NKAIN2: variants seen among roughly 807,000 people sequenced by gnomAD.
The protein encoded by NKAIN2 is sodium/potassium transporting ATPase interacting 2.
Under a neutral mutation model 32.6 loss-of-function variants are expected in NKAIN2, and 14 were observed. The observed-to-expected ratio is 0.43, with a 90% CI of 0.28 to 0.67. The LOEUF is 0.67. Ranked by LOEUF, NKAIN2 falls within the 30% of genes least tolerant of loss-of-function variation. NKAIN2 has a pLI of 0.17. For missense variants in NKAIN2, 198 were observed against 258.3 expected, an observed-to-expected ratio of 0.77 and a Z score of 1.60; for synonymous variants, 80 against 87.2, an observed-to-expected ratio of 0.92 and a Z score of 0.46.
At chr6:124,369,043 A>C (rs181973288) in intron 3 of NKAIN2, among the ~76,000 whole-genome samples, 85 of 152,310 alleles carry the variant, frequency 5.6e-4, no homozygotes, top group African/African-American at 2.0e-3. Flanking sequence ...TTACTAACTC[A>C]GAAGAGAAAG....
At chr6:123,893,914 G>A (rs993607240) in intron 1 of NKAIN2, among the ~76,000 whole-genome samples, 1 of 152,124 alleles carries the variant, frequency 6.6e-6, no homozygotes, top group East Asian at 1.9e-4. Context: ...TCTATAGGAG[G>A]TTCCTTAGTC....
chr6:124,682,588 G>C (rs578097204), intron 4 of NKAIN2, among the ~76,000 whole-genome samples: 1 of 152,188 alleles, frequency 6.6e-6, no homozygotes, highest in South Asian at 2.1e-4. Flanking sequence ...AAGTAAAATA[G>C]TATCTAACAT....
chr6:124,801,360 A>G (rs1438874187), intron 5 of NKAIN2, among the ~76,000 whole-genome samples: 2 of 152,246 alleles, frequency 1.3e-5, no homozygotes, highest in Non-Finnish European at 2.9e-5. Context: ...TCATAAAGTT[A>G]TGAACAATAT....
At chr6:123,870,381 G>C (rs1489775375) in intron 1 of NKAIN2, among the ~76,000 whole-genome samples, 2 of 152,046 alleles carry the variant, frequency 1.3e-5, no homozygotes, top group Non-Finnish European at 2.9e-5. Flanking sequence ...GGGAGGATTT[G>C]TTCAAAGACC....
rs1799447737 is a variant in NKAIN2, at chr6:124,364,772, A to G, written c.273+9425A>G. On this transcript the variant is annotated intron_variant, in intron 3 of 6. Coordinates refer to ENST00000368417, the MANE Select transcript of NKAIN2 (RefSeq NM_001040214.3). ...CAGAGTGAGAAAAAAAACACCCCAG[A>G]GAGAAAAAGGGAATTTTAGGAAGGA... is the stretch of plus-strand genomic sequence containing the variant. Among the ~76,000 whole-genome samples the G allele has an allele frequency of 6.6e-5, 10 of 152,156 alleles. No individual in the cohort carries two copies. The South Asian group carries it at 2.1e-3, about 31-fold the overall frequency.
chr6:124,012,835 C>G (rs1023289633), intron 1 of NKAIN2, among the ~76,000 whole-genome samples: 2 of 152,044 alleles, frequency 1.3e-5, no homozygotes, highest in Non-Finnish European at 2.9e-5. Flanking sequence ...TTTCCTTTCT[C>G]TAAATTAAAG....
At chr6:124,031,664 T>C (rs534075348) in intron 1 of NKAIN2, among the ~76,000 whole-genome samples, 4 of 152,190 alleles carry the variant, frequency 2.6e-5, no homozygotes, top group Non-Finnish European at 4.4e-5. Context: ...CATTTTGTTA[T>C]GTACCCAGTA....
intron 1 of NKAIN2, among the ~76,000 whole-genome samples, chr6:123,811,899 G>A (rs901609184): frequency 6.6e-5 from 10 of 151,388 alleles, no homozygotes; most frequent in African/African-American, 2.4e-4. Flanking sequence ...CTATGCGCCT[G>A]ATATACGTAC....
chr6:123,928,613 A>G (rs1301819990), intron 1 of NKAIN2, among the ~76,000 whole-genome samples: 1 of 152,192 alleles, frequency 6.6e-6, no homozygotes, highest in Non-Finnish European at 1.5e-5. Context: ...TATAGTAGGT[A>G]TGCAATACAT....
intron 3 of NKAIN2, among the ~76,000 whole-genome samples, chr6:124,641,498 A>G (rs1172324929): frequency 6.8e-6 from 1 of 146,616 alleles, no homozygotes; most frequent in Non-Finnish European, 1.5e-5. Flanking sequence ...CCACATAATC[A>G]GAAGAAATAC....
chr6:124,228,031 G>A (rs756646528), intron 1 of NKAIN2, among the ~76,000 whole-genome samples: 6 of 152,038 alleles, frequency 3.9e-5, no homozygotes, highest in East Asian at 3.9e-4. Flanking sequence ...ATATTCTCAC[G>A]TGGCAAAGCA....
chr6:123,812,051 C>T (rs958754700), intron 1 of NKAIN2, among the ~76,000 whole-genome samples: 1 of 152,032 alleles, frequency 6.6e-6, no homozygotes, highest in Non-Finnish European at 1.5e-5. Flanking sequence ...CCCCCCACCG[C>T]CCCCACCCTC....
chr6:124,417,600 G>T (rs1253411542), intron 3 of NKAIN2, among the ~76,000 whole-genome samples: 1 of 151,962 alleles, frequency 6.6e-6, no homozygotes, highest in Non-Finnish European at 1.5e-5. Context: ...TAGACCAAAC[G>T]TCCTAATACC....
At chr6:124,341,889 A>C (rs1011613651) in intron 2 of NKAIN2, among the ~76,000 whole-genome samples, 1 of 152,232 alleles carries the variant, frequency 6.6e-6, no homozygotes, top group Non-Finnish European at 1.5e-5. Context: ...ATTGGTCCTA[A>C]AGGAAATAAG....
At chr6:123,842,526 T>G (rs1430747273) in intron 1 of NKAIN2, among the ~76,000 whole-genome samples, 1 of 152,130 alleles carries the variant, frequency 6.6e-6, no homozygotes, top group Non-Finnish European at 1.5e-5. Context: ...CTTCAACATA[T>G]GAATCTTGAG....
intron 1 of NKAIN2, among the ~76,000 whole-genome samples, chr6:124,222,928 AGAGTGAGT>A (rs1322919340): frequency 6.6e-6 from 1 of 152,158 alleles, no homozygotes; most frequent in African/African-American, 2.4e-5. Flanking sequence ...AGAACTGGAG[AGAGTGAGT>A]GAGACAATTT....
chr6:124,101,183 A>G (rs1475042947), intron 1 of NKAIN2, among the ~76,000 whole-genome samples: 2 of 152,208 alleles, frequency 1.3e-5, no homozygotes, highest in Non-Finnish European at 2.9e-5. Flanking sequence ...TTGGCATTTT[A>G]GGCCCTCTAA....
intron 1 of NKAIN2, among the ~76,000 whole-genome samples, chr6:124,156,286 G>T (rs188652710): frequency 6.6e-6 from 1 of 152,090 alleles, no homozygotes; most frequent in Non-Finnish European, 1.5e-5. Flanking sequence ...GAGTAGAGGA[G>T]GTGGGCTTTA....
chr6:124,042,265 G>T (rs913072102), intron 1 of NKAIN2, among the ~76,000 whole-genome samples: 1 of 152,010 alleles, frequency 6.6e-6, no homozygotes, highest in Admixed American at 6.6e-5. Flanking sequence ...TGTTGCCATA[G>T]TGTTTGAAGC....
Sources: gnomAD v4.1 joint callset for allele counts (sites outside exome capture counted in the v4.1 genomes callset) on GRCh38, gnomAD v4.1.1 for gene constraint, MANE v1.5 for transcripts, NCBI Gene and HGNC (gene_info 2026-07-23, HGNC 2026-07-21) for gene names.